MAST2: variants seen among roughly 807,000 people sequenced by gnomAD.
The protein encoded by MAST2 is microtubule associated serine/threonine kinase 2.
MAST2 carries 70 observed loss-of-function variants against 147.4 expected under a neutral mutation model. That is an observed-to-expected ratio of 0.47 (90% confidence interval 0.39 to 0.58). The LOEUF (loss-of-function observed/expected upper bound fraction) is 0.58, where lower values mean the gene tolerates loss of function less well. Ranked by LOEUF, MAST2 falls within the 20% of genes least tolerant of loss-of-function variation. The pLI is 0.00. For missense variants in MAST2, 2,080 were observed against 2,302.3 expected (o/e 0.90, Z 1.98); for synonymous variants, 869 against 896.8 (o/e 0.97, Z 0.55).
At chr1:46,015,686 G>C (rs1645906371) in intron 10 of MAST2, among the ~76,000 whole-genome samples, 1 of 152,084 alleles carries the variant, frequency 6.6e-6, no homozygotes, top group Non-Finnish European at 1.5e-5. Context: ...ATAATCAATA[G>C]CTTACCAACC....
chr1:45,968,836 C>G (rs1249762434), intron 5 of MAST2, among the ~76,000 whole-genome samples: 1 of 146,156 alleles, frequency 6.8e-6, no homozygotes, highest in Non-Finnish European at 1.5e-5. Flanking sequence ...CGTATCACAC[C>G]TTTTGTAATT....
intron 3 of MAST2, 32 bp downstream of exon 3, chr1:45,829,613 A>T (rs373775536): frequency 2.3e-5 from 37 of 1,588,602 alleles, no homozygotes; most frequent in Non-Finnish European, 3.0e-5. Flanking sequence ...ATTTTGCTCT[A>T]TGAAAAATCC....
At chr1:46,000,938 A>G (rs1470821836) in intron 6 of MAST2, 6 of 1,288,532 alleles carry the variant, frequency 4.7e-6, no homozygotes, top group African/African-American at 1.5e-5. Context: ...TCTCACTATA[A>G]TGTGTATTTT....
At chr1:45,833,942 C>T (rs192900544) in intron 3 of MAST2, among the ~76,000 whole-genome samples, 1 of 152,020 alleles carries the variant, frequency 6.6e-6, no homozygotes, top group East Asian at 1.9e-4. Context: ...ATTCTCCCGC[C>T]TAAAGATTTT....
chr1:46,030,666 C>G lies in MAST2; in HGVS notation c.2613C>G (p.Thr871=), dbSNP rs1433067367. 6.2e-6 allele frequency: 10 copies of G among 1,611,572 alleles called. No individual in the cohort carries two copies. In the East Asian group the frequency reaches 2.2e-4, roughly 36 times the overall value. ...LLEERRTPPP[T]KRSLSEEKED... ...AGGAGCGCCGGACACCACCCCCGAC[C>G]AAGCGCAGCCTGAGTGAGGAGAAGG... Residue 871 remains threonine (T), a synonymous_variant, in exon 22 of 29, where the codon ACC becomes ACG. Coordinates refer to ENST00000361297, the MANE Select transcript of MAST2 (RefSeq NM_015112.3).
At chr1:46,001,117 A>G (rs930287579) in intron 6 of MAST2, 3 of 639,924 alleles carry the variant, frequency 4.7e-6, no homozygotes, top group African/African-American at 1.9e-5. Context: ...TGGGCCTTTC[A>G]TGTCTTGCAA....
chr1:45,825,212 A>G (rs1322634172), intron 2 of MAST2, among the ~76,000 whole-genome samples: 1 of 151,954 alleles, frequency 6.6e-6, no homozygotes, highest in Non-Finnish European at 1.5e-5. Flanking sequence ...TTTTTAGTAG[A>G]GACGGGGTTT....
Position 46,034,613 on chromosome 1 carries a change from G to A in MAST2, c.3944G>A (p.Arg1315Gln). The A allele has an allele frequency of 1.2e-6, 2 of 1,614,032 alleles. No homozygotes were observed. Among genetic ancestry groups the A allele is most frequent in the Middle Eastern group, 1.6e-4 (1 of 6,062 alleles). ...TCCCCAGCCGGCTCTGGGCACACACGGCCCAGCTCCCTCCACGGTCTGGCA... is the reference window on the plus strand; with the variant it reads ...TCCCCAGCCGGCTCTGGGCACACACAGCCCAGCTCCCTCCACGGTCTGGCA... ...PSSPAGSGHT[R>Q]PSSLHGLAPK... The change falls in exon 29 of 29, where the codon CGG (arginine) becomes CAG (glutamine). Residue 1315 changes from arginine to glutamine, a missense_variant. Around this residue, in one of 4 missense-constraint regions of MAST2, gnomAD observed 1,278 missense variants for 1,304.2 expected, o/e 0.98. Coordinates refer to ENST00000361297, the MANE Select transcript of MAST2 (RefSeq NM_015112.3).
chr1:46,001,918 T>A (rs1645290641), intron 6 of MAST2, among the ~76,000 whole-genome samples: 1 of 152,182 alleles, frequency 6.6e-6, no homozygotes, highest in Non-Finnish European at 1.5e-5. Context: ...AGTCTCAGGT[T>A]CTGTGAGTAA....
rs1327991475 is a variant in MAST2 at position 46,006,450 on chromosome 1, A to T, written c.902+55A>T. ...TGCATGTGGATTTCAGCTTGTTTGC[A>T]TAACACAGAGGTGGGCACACTATGC... is the stretch of plus-strand genomic sequence containing the variant. On this transcript the variant is annotated intron_variant, in intron 8 of 28. Transcript: ENST00000361297. 4 of 1,572,774 alleles carry T rather than the reference A, an allele frequency of 2.5e-6. No homozygotes were observed. The African/African-American group carries it at 5.4e-5, about 21-fold the overall frequency.
intron 3 of MAST2, among the ~76,000 whole-genome samples, chr1:45,872,555 A>G (rs1274136468): frequency 2.0e-5 from 3 of 149,784 alleles, no homozygotes; most frequent in African/African-American, 7.4e-5. Flanking sequence ...ATCTCGGCTC[A>G]CCGCAACCTC....
At chr1:45,910,724 T>C (rs1651534696) in intron 4 of MAST2, among the ~76,000 whole-genome samples, 1 of 152,240 alleles carries the variant, frequency 6.6e-6, no homozygotes, top group Non-Finnish European at 1.5e-5. Context: ...ATTGATGTTA[T>C]TTGACAGGAA....
In MAST2 at chr1:45,860,383, C is replaced by CA. The variant is rs10540608; in HGVS notation, c.469-21963dup. ...TGGGTGACAGAGTGAGAATCTGTCT[C>CA]AAAAAAAAAAAAAAAAAATTTATGT... On this transcript the variant is annotated intron_variant, in intron 3 of 28. Coordinates refer to ENST00000361297, the MANE Select transcript of MAST2 (RefSeq NM_015112.3). 7.8e-3 allele frequency among the ~76,000 whole-genome samples: 1,089 copies of CA among 139,398 alleles called. 5 individuals are homozygous for CA. The highest frequency in any genetic ancestry group is 0.011 in the Non-Finnish European group (679 of 63,992). The allele number at this position is 139,398 out of a possible 152,430, so 91.5% of individuals were successfully genotyped here. A position where few individuals can be genotyped will look rare whatever the true frequency, so the allele number is the denominator to read the frequency against.
chr1:45,829,095 A>C (rs955469071), intron 2 of MAST2, among the ~76,000 whole-genome samples: 4 of 152,290 alleles, frequency 2.6e-5, no homozygotes, highest in African/African-American at 9.6e-5. Context: ...TTGCATCTCT[A>C]ATGTTACATT....
intron 3 of MAST2, among the ~76,000 whole-genome samples, chr1:45,873,728 A>G (rs1027320673): frequency 6.6e-6 from 1 of 152,226 alleles, no homozygotes; most frequent in Non-Finnish European, 1.5e-5. Flanking sequence ...TCTTTATACC[A>G]TGTAGAAATA....
chr1:45,879,255 C>T (rs561778328), intron 3 of MAST2, among the ~76,000 whole-genome samples: 1 of 151,926 alleles, frequency 6.6e-6, no homozygotes, highest in Admixed American at 6.6e-5. Flanking sequence ...CACATACTAC[C>T]TCAAAATTAA....
chr1:45,947,865 C>T (rs779166381), intron 4 of MAST2, among the ~76,000 whole-genome samples: 12 of 152,096 alleles, frequency 7.9e-5, no homozygotes, highest in South Asian at 2.1e-4. Flanking sequence ...TACAGTTGCC[C>T]GCCACCACAC....
Position 46,027,732 on chromosome 1 carries a change from C to T in MAST2, c.1921C>T (p.Leu641Phe). 6.2e-7 allele frequency: 1 copy of T among 1,607,478 alleles called. No homozygotes were observed. Residue 641 changes from leucine to phenylalanine, a missense_variant and splice_region_variant, in exon 17 of 29, where the codon CTC becomes TTC. Transcript: ENST00000361297. Reference sequence around the variant, plus strand: ...AATTTTATTTCTTCGTTCTTCCAGCCTCCTAATTACATCCATGGGGCACAT... The same window carrying T: ...AATTTTATTTCTTCGTTCTTCCAGCTTCCTAATTACATCCATGGGGCACAT... ...IVHRDLKPDN[L>F]LITSMGHIKL...
chr1:46,003,730 GT>G (rs1294165657), intron 7 of MAST2, among the ~76,000 whole-genome samples: 5 of 152,132 alleles, frequency 3.3e-5, no homozygotes, highest in African/African-American at 1.2e-4. Flanking sequence ...GCTTCCCAAA[GT>G]GCTAGGATTA....
Sources: gnomAD v4.1 joint callset for allele counts (sites outside exome capture counted in the v4.1 genomes callset) on GRCh38, gnomAD v4.1.1 for gene constraint, gnomAD v4.1.1 regional missense constraint, MANE v1.5 for transcripts, NCBI Gene and HGNC (gene_info 2026-07-23, HGNC 2026-07-21) for gene names.